The following ARHGAP29 variants were observed in gnomAD, a reference collection of about 807,000 sequenced individuals.
ARHGAP29 encodes Rho GTPase activating protein 29, also known as rho GTPase-activating protein 29.
Under a neutral mutation model 122.6 loss-of-function variants are expected in ARHGAP29, and 43 were observed. The ratio of observed to expected loss-of-function variants is 0.35; its 90% CI spans 0.27 to 0.45. The LOEUF is 0.45. Ranked by LOEUF, ARHGAP29 falls within the 20% of genes least tolerant of loss-of-function variation. The probability of loss-of-function intolerance (pLI) is 1.00; values close to 1 mark genes in which losing one functional copy is unlikely to be tolerated. For missense variants in ARHGAP29, 1,303 were observed against 1,477.2 expected, an observed-to-expected ratio of 0.88 and a Z score of 1.93; for synonymous variants, 506 against 497.1, an observed-to-expected ratio of 1.02 and a Z score of -0.24.
rs1397200831 is a variant in ARHGAP29 at position 94,179,767 on chromosome 1, G to A, written c.2438C>T (p.Ser813Leu). The A allele has an allele frequency of 6.2e-7, 1 of 1,613,440 alleles. No individual in the cohort carries two copies. The highest frequency in any genetic ancestry group is 1.7e-5 in the Admixed American group (1 of 60,004). Residue 813 changes from serine to leucine, a missense_variant, in exon 20 of 23, where the codon TCA (serine) becomes TTA (leucine). Around this residue, in one of 3 missense-constraint regions of ARHGAP29, gnomAD observed 620 missense variants for 651.2 expected, o/e 0.95. Transcript: ENST00000260526. Reference protein sequence around the residue: ...SKDLLRQLPASNFNSLHFLIV... With the variant: ...SKDLLRQLPALNFNSLHFLIV... ...AAGGAAATGAAGACTGTTAAAATTTGATGCTGGCAATTGTCTTAGAAGGTC... is the reference window on the plus strand; with the variant it reads ...AAGGAAATGAAGACTGTTAAAATTTAATGCTGGCAATTGTCTTAGAAGGTC...
At chr1:94,280,270 C>T in the ARHGAP29 span, among the ~76,000 whole-genome samples, 1 of 151,968 alleles carries the variant, frequency 6.6e-6, no homozygotes, top group Non-Finnish European at 1.5e-5. Flanking sequence ...TCTCCAGGTT[C>T]CTTAACAGTT....
chr1:94,280,019 G>GTGATACAGTACTTTTCCTT (rs1655299389), upstream of ARHGAP29, among the ~76,000 whole-genome samples: 1 of 151,854 alleles, frequency 6.6e-6, no homozygotes, highest in Non-Finnish European at 1.5e-5. Context: ...GTTTTTTCCT[G>GTGATACAGTACTTTTCCTT]TGATACAGTA....
chr1:94,304,126 A>G, the ARHGAP29 span, among the ~76,000 whole-genome samples: 1 of 151,654 alleles, frequency 6.6e-6, no homozygotes, highest in Non-Finnish European at 1.5e-5. Context: ...CACTGTTGAA[A>G]CTCTACCCAC....
At chr1:94,182,422 A>C (rs563901758) in intron 19 of ARHGAP29, among the ~76,000 whole-genome samples, 3 of 152,266 alleles carry the variant, frequency 2.0e-5, no homozygotes, top group South Asian at 4.1e-4. Context: ...AGTTCCAAAA[A>C]CTAAAGGACT....
At chr1:94,247,880 G>A (rs1342053597) in intron 1 of ARHGAP29, 1 of 167,890 alleles carries the variant, frequency 6.0e-6, no homozygotes, top group South Asian at 2.0e-4. Context: ...AGAACGCGGC[G>A]GTCAGCTGCG....
chr1:94,302,566 C>G, the ARHGAP29 span: 19 of 355,230 alleles, frequency 5.3e-5, no homozygotes, highest in Admixed American at 6.8e-4. Context: ...ATCACTGCTA[C>G]CCAGAAGACT....
chr1:94,188,393 A>G (rs1482922961), intron 15 of ARHGAP29, among the ~76,000 whole-genome samples: 2 of 152,302 alleles, frequency 1.3e-5, no homozygotes, highest in East Asian at 3.9e-4. Context: ...TATTCACAGA[A>G]TATACAGCAG....
intron 1 of ARHGAP29, among the ~76,000 whole-genome samples, chr1:94,265,398 G>A (rs17396055): frequency 0.26 from 39,216 of 152,170 alleles, 5,848 homozygotes; most frequent in Middle Eastern, 0.43. Flanking sequence ...ATGTGGATAG[G>A]ATATTTTAAC....
chr1:94,183,672 A>G (rs1210379597), intron 19 of ARHGAP29, among the ~76,000 whole-genome samples: 4 of 152,208 alleles, frequency 2.6e-5, no homozygotes, highest in African/African-American at 9.6e-5. Context: ...ACGAAGGCAA[A>G]GCCAGCCTAT....
In ARHGAP29 at chr1:94,205,725, C is replaced by T. The variant is rs185394015; in HGVS notation, c.511-42G>A. 45 of 1,575,186 alleles carry T rather than the reference C, an allele frequency of 2.9e-5. No individual in the cohort carries two copies. In the South Asian group the frequency reaches 3.4e-4, roughly 12 times the overall value. On this transcript the variant is annotated intron_variant, in intron 5 of 22. Transcript: ENST00000260526. ...AGATAAATTTAAAATTAGAGAAGAA[C>T]ACAAATCTTTGCTTCAGAATTTTTT...
chr1:94,181,945 T>C (rs1368696786), intron 19 of ARHGAP29, among the ~76,000 whole-genome samples: 2 of 152,184 alleles, frequency 1.3e-5, no homozygotes, highest in East Asian at 3.8e-4. Flanking sequence ...AAAATACTGA[T>C]TAAATGTTCA....
At chr1:94,181,510 T>C (rs1179270118) in intron 19 of ARHGAP29, among the ~76,000 whole-genome samples, 1 of 152,136 alleles carries the variant, frequency 6.6e-6, no homozygotes. Flanking sequence ...ACAGGACTGG[T>C]ACCACACTCT....
rs757102334 is a variant in ARHGAP29 at position 94,172,466 on chromosome 1, C to T, written c.*1403G>A. ...CACATAGAACTATAAAACAGGTTTC[C>T]ATAAAATTCATTCCACATTGTAGTC... On this transcript the variant is annotated 3_prime_UTR_variant, in exon 23 of 23. Transcript: ENST00000260526. 16 of 152,034 alleles carry T rather than the reference C, an allele frequency of 1.1e-4. No homozygotes were observed. The highest frequency in any genetic ancestry group is 6.6e-5 in the Admixed American group (1 of 15,266). The allele number at this position is 152,034 out of a possible 1,614,324, so 9.4% of individuals were successfully genotyped here.
rs1167748331 is a variant in ARHGAP29, at chr1:94,169,472, G to GAGTC, written c.*4393_*4396dup. ...ATGAACAAATTATTTAGGATTATGG[G>GAGTC]AGTCAGGTTTCTATGAGAGAAGGAA... On this transcript the variant is annotated 3_prime_UTR_variant, in exon 23 of 23. Transcript: ENST00000260526. 6.6e-6 allele frequency among the ~76,000 whole-genome samples: 1 copy of GAGTC among 152,004 alleles called. No homozygotes were observed. Among genetic ancestry groups the GAGTC allele is most frequent in the African/African-American group, 2.4e-5 (1 of 41,384 alleles).
At chr1:94,294,439 C>T in the ARHGAP29 span, among the ~76,000 whole-genome samples, 1 of 152,138 alleles carries the variant, frequency 6.6e-6, no homozygotes, top group African/African-American at 2.4e-5. Context: ...CACGCCATAG[C>T]ACCTGGCTAA....
In ARHGAP29 at chr1:94,231,413, A is replaced by T. The variant is rs760724845; in HGVS notation, c.199T>A (p.Phe67Ile). The change falls in exon 2 of 23, where the codon TTT (phenylalanine) becomes ATT (isoleucine). Residue 67 changes from phenylalanine (F) to isoleucine (I), a missense_variant. Phe to Ile is a conservative substitution (Grantham distance 21). This residue lies in a region of ARHGAP29 where 592 missense variants were observed against 648.2 expected (regional missense o/e 0.91). Transcript: ENST00000260526. ...HMLLYLKEAI[F>I]SDCFKEVIHI... ...TAATAGAAAAGTGACAAACCTGAAA[A>T]TATGGCTTCTTTCAAATATAGTAAC... is the stretch of plus-strand genomic sequence containing the variant. The T allele has an allele frequency of 1.9e-6, 3 of 1,612,056 alleles. No homozygotes were observed. In the South Asian group the frequency reaches 3.3e-5, roughly 18 times the overall value.
rs142687511 is a variant in ARHGAP29, at chr1:94,234,998, T to C, written c.-33+2417A>G. ...AACTTTCAAAGTGTTTCAAAACTGC[T>C]GGAACATTTTTAGACAAGACTTAAA... On this transcript the variant is annotated intron_variant, in intron 1 of 22. Transcript: ENST00000260526. Among the ~76,000 whole-genome samples the C allele has an allele frequency of 6.1e-3, 929 of 152,222 alleles. 5 individuals carry two copies. Among genetic ancestry groups the C allele is most frequent in the African/African-American group, 0.022 (899 of 41,530 alleles).
rs1648897787 is a variant in ARHGAP29 at position 94,173,786 on chromosome 1, C to CT, written c.*82dup. The CT allele has an allele frequency of 2.7e-6, 4 of 1,492,436 alleles. No homozygotes were observed. The highest frequency in any genetic ancestry group is 3.6e-6 in the Non-Finnish European group (4 of 1,119,108). 92.4% of individuals were successfully genotyped at this position (1,492,436 alleles called of 1,614,324 possible). A position where few individuals can be genotyped will look rare whatever the true frequency, so the allele number is the denominator to read the frequency against. ...TTGGCAGTCCTATACAAAAGAGGCCCTGTCAAAACATTCTTTCACAAAACA... is the reference window on the plus strand; with the variant it reads ...TTGGCAGTCCTATACAAAAGAGGCCCTTGTCAAAACATTCTTTCACAAAACA... On this transcript the variant is annotated 3_prime_UTR_variant, in exon 23 of 23. Coordinates refer to ENST00000260526, the MANE Select transcript of ARHGAP29 (RefSeq NM_004815.4).
chr1:94,213,103 C>CAATATA (rs1222248758), intron 3 of ARHGAP29, among the ~76,000 whole-genome samples: 1 of 152,208 alleles, frequency 6.6e-6, no homozygotes, highest in African/African-American at 2.4e-5. Context: ...CCTATATTGC[C>CAATATA]TTCCTTCCCA....
Sources: allele counts gnomAD v4.1 joint callset (sites outside exome capture counted in the v4.1 genomes callset), GRCh38; gene constraint gnomAD v4.1.1; regional missense constraint gnomAD v4.1.1; transcripts MANE v1.5; gene names NCBI Gene and HGNC (gene_info 2026-07-23, HGNC 2026-07-21).